Variants in LRRTM4 observed in about 807,000 individuals in gnomAD.
The protein encoded by LRRTM4 is leucine rich repeat transmembrane neuronal 4.
Under a neutral mutation model 47.6 loss-of-function variants are expected in LRRTM4, and 25 were observed. That is an observed-to-expected ratio of 0.53 (90% CI 0.38 to 0.73). The LOEUF (loss-of-function observed/expected upper bound fraction) is 0.73. Ranked by LOEUF, LRRTM4 falls within the 30% of genes least tolerant of loss-of-function variation. LRRTM4 has a pLI of 0.00. For missense variants in LRRTM4, 638 were observed against 713.4 expected, an observed-to-expected ratio of 0.89 and a Z score of 1.20; for synonymous variants, 311 against 269.5, an observed-to-expected ratio of 1.15 and a Z score of -1.51.
intron 3 of LRRTM4, among the ~76,000 whole-genome samples, chr2:76,805,966 C>T (rs950848338): frequency 1.1e-4 from 17 of 152,148 alleles, no homozygotes; most frequent in Admixed American, 8.5e-4. Flanking sequence ...TCTCGAAGGA[C>T]CACAAGAACC....
intron 3 of LRRTM4, among the ~76,000 whole-genome samples, chr2:77,290,329 A>G (rs1448062124): frequency 6.7e-6 from 1 of 149,590 alleles, no homozygotes; most frequent in African/African-American, 2.5e-5. Context: ...TGTTCTCACT[A>G]ATATGTGGGA....
At chr2:77,199,535 G>GA (rs34229656) in intron 3 of LRRTM4, among the ~76,000 whole-genome samples, 2 of 151,490 alleles carry the variant, frequency 1.3e-5, no homozygotes, top group East Asian at 1.9e-4. Context: ...TATACAAGAG[G>GA]AAAAAAAATG....
intron 3 of LRRTM4, among the ~76,000 whole-genome samples, chr2:77,055,446 C>G (rs1471515243): frequency 6.6e-6 from 1 of 152,114 alleles, no homozygotes; most frequent in African/African-American, 2.4e-5. Flanking sequence ...AAAATGCTCA[C>G]CATCACTGCC....
intron 3 of LRRTM4, among the ~76,000 whole-genome samples, chr2:77,284,232 G>C (rs1204253067): frequency 1.3e-5 from 2 of 151,976 alleles, no homozygotes; most frequent in African/African-American, 4.8e-5. Context: ...TACACCTATG[G>C]TCATGGGTAA....
chr2:76,896,818 G>C (rs1351350491), intron 3 of LRRTM4, among the ~76,000 whole-genome samples: 1 of 148,098 alleles, frequency 6.8e-6, no homozygotes, highest in East Asian at 2.0e-4. Context: ...ATGTTTCCTT[G>C]TACCAGGAAC....
chr2:77,256,905 A>G (rs1040149164), intron 3 of LRRTM4, among the ~76,000 whole-genome samples: 7 of 152,180 alleles, frequency 4.6e-5, no homozygotes, highest in African/African-American at 1.7e-4. Context: ...AGACACAAAA[A>G]CCCTTAACAA....
At chr2:77,468,392 G>C (rs532675888) in intron 3 of LRRTM4, among the ~76,000 whole-genome samples, 12 of 152,074 alleles carry the variant, frequency 7.9e-5, no homozygotes, top group African/African-American at 1.4e-4. Flanking sequence ...CACATTTCCT[G>C]TCTACAAGAA....
chr2:77,366,872 C>T (rs1350751381), intron 3 of LRRTM4, among the ~76,000 whole-genome samples: 5 of 151,806 alleles, frequency 3.3e-5, no homozygotes, highest in Non-Finnish European at 5.9e-5. Flanking sequence ...CTGTGTTGGT[C>T]GTTTAGCCCC....
intron 3 of LRRTM4, among the ~76,000 whole-genome samples, chr2:77,231,085 A>G (rs938770771): frequency 2.0e-5 from 3 of 152,166 alleles, no homozygotes; most frequent in Admixed American, 2.0e-4. Flanking sequence ...TTTTACCTAA[A>G]CTTCGAATTT....
chr2:77,350,195 G>A (rs185925675), intron 3 of LRRTM4, among the ~76,000 whole-genome samples: 5,115 of 149,864 alleles, frequency 0.034, 127 homozygotes, highest in Middle Eastern at 0.072. Context: ...GCGCGGTGGC[G>A]GGCGCCTGTA....
intron 3 of LRRTM4, among the ~76,000 whole-genome samples, chr2:77,217,163 T>G (rs1674471371): frequency 6.6e-6 from 1 of 151,414 alleles, no homozygotes; most frequent in Non-Finnish European, 1.5e-5. Flanking sequence ...TATATCTTTC[T>G]CTTCTTAAAA....
At chr2:77,128,886 T>A in intron 3 of LRRTM4, among the ~76,000 whole-genome samples, 1 of 152,178 alleles carries the variant, frequency 6.6e-6, no homozygotes, top group East Asian at 1.9e-4. Flanking sequence ...GTGATCCACC[T>A]GTCGTGGCCT....
intron 3 of LRRTM4, among the ~76,000 whole-genome samples, chr2:77,167,429 T>G (rs983540059): frequency 6.6e-6 from 1 of 152,212 alleles, no homozygotes. Flanking sequence ...AAATGCCATT[T>G]GACCCAGCCA....
At chr2:77,438,773 G>C (rs1210273840) in intron 3 of LRRTM4, among the ~76,000 whole-genome samples, 1 of 151,828 alleles carries the variant, frequency 6.6e-6, no homozygotes, top group Non-Finnish European at 1.5e-5. Flanking sequence ...TATCAACATA[G>C]GTATATGCAA....
intron 3 of LRRTM4, among the ~76,000 whole-genome samples, chr2:77,403,305 C>A (rs539951292): frequency 5.9e-5 from 9 of 152,032 alleles, no homozygotes; most frequent in Non-Finnish European, 1.0e-4. Flanking sequence ...GGTTTCAGGG[C>A]TCCAATCCTA....
intron 3 of LRRTM4, among the ~76,000 whole-genome samples, chr2:77,492,214 A>G (rs980195210): frequency 1.3e-5 from 2 of 152,170 alleles, no homozygotes; most frequent in Non-Finnish European, 2.9e-5. Context: ...ATGTTATAGA[A>G]TTTATCCAGA....
At chr2:76,896,022 T>G (rs968915229) in intron 3 of LRRTM4, among the ~76,000 whole-genome samples, 1 of 152,080 alleles carries the variant, frequency 6.6e-6, no homozygotes, top group Non-Finnish European at 1.5e-5. Context: ...CAGGGCAAAT[T>G]TGTGCCAAGT....
chr2:77,053,070 C>A (rs965529976), intron 3 of LRRTM4, among the ~76,000 whole-genome samples: 13 of 151,858 alleles, frequency 8.6e-5, no homozygotes, highest in African/African-American at 3.1e-4. Flanking sequence ...AATTTGAGAG[C>A]GATAAAGAAG....
At chr2:77,123,326 T>C (rs1204565696) in intron 3 of LRRTM4, among the ~76,000 whole-genome samples, 2 of 152,042 alleles carry the variant, frequency 1.3e-5, no homozygotes, top group Non-Finnish European at 2.9e-5. Context: ...AACTTTCCTA[T>C]TGAACTCCAT....
Sources: gnomAD v4.1 joint callset for allele counts (sites outside exome capture counted in the v4.1 genomes callset) on GRCh38, gnomAD v4.1.1 for gene constraint, MANE v1.5 for transcripts, NCBI Gene and HGNC (gene_info 2026-07-23, HGNC 2026-07-21) for gene names.